BORCS8: variants seen among roughly 807,000 people sequenced by gnomAD.
BORCS8 encodes BLOC-1 related complex subunit 8.
In BORCS8, 13 loss-of-function variants were observed where a neutral mutation model predicts 18.7. The ratio of observed to expected loss-of-function variants is 0.70; its 90% CI spans 0.45 to 1.11. The LOEUF (loss-of-function observed/expected upper bound fraction) is 1.11. Among genes scored for constraint, BORCS8 ranks in the 50% least tolerant of loss-of-function variants. The pLI, the probability that BORCS8 is intolerant of heterozygous loss-of-function variation, is 0.00. For synonymous variants in BORCS8, 68 were observed against 64.8 expected, an observed-to-expected ratio of 1.05 and a Z score of -0.24; for missense variants, 165 against 165.7, an observed-to-expected ratio of 1.00 and a Z score of 0.02.
chr19:19,180,476 G>A, intron 5 of BORCS8: 1 of 594,042 alleles, frequency 1.7e-6, no homozygotes, highest in Non-Finnish European at 3.0e-6. Flanking sequence ...GAGAGAGAGT[G>A]GGAGAGATGG....
intron 1 of BORCS8, 79 bp downstream of exon 1, chr19:19,192,001 TC>T (rs1877881904): frequency 2.0e-6 from 3 of 1,517,208 alleles, no homozygotes; most frequent in Non-Finnish European, 2.7e-6. Flanking sequence ...CCTCGCACGG[TC>T]CCTCCGCGCC....
intron 4 of BORCS8, chr19:19,181,824 C>A (rs1385654742): frequency 1.0e-6 from 1 of 982,298 alleles, no homozygotes; most frequent in Non-Finnish European, 1.2e-6. Context: ...GAACCCCAAT[C>A]TGTGGGAGCC....
In BORCS8 at chr19:19,180,650, CAG is replaced by C. The variant is rs540327859; in HGVS notation, c.*42+34_*42+35del. The C allele has an allele frequency of 3.0e-3, 4,192 of 1,413,182 alleles. 11 individuals are homozygous for C. The highest frequency in any genetic ancestry group is 3.5e-3 in the Non-Finnish European group (3,629 of 1,022,476). The allele number at this position is 1,413,182 out of a possible 1,614,324, so 87.5% of individuals were successfully genotyped here. A position where few individuals can be genotyped will look rare whatever the true frequency, so the allele number is the denominator to read the frequency against. On this transcript the variant is annotated intron_variant, in intron 5 of 5. Coordinates refer to ENST00000462790, the MANE Select transcript of BORCS8 (RefSeq NM_001145784.2). The stretch of plus-strand genomic sequence containing the variant: ...AGCGGGCGGGTTGGTTAGTTCAGAG[CAG>C]AGAGAGAGGCTCGTGGCTACCCTCG...
intron 2 of BORCS8, 92 bp downstream of exon 2, chr19:19,186,801 C>T: frequency 1.1e-6 from 1 of 877,240 alleles, no homozygotes; most frequent in Non-Finnish European, 1.7e-6. Context: ...ACGCCTCTGA[C>T]CTGGCTTTGC....
intron 4 of BORCS8, chr19:19,181,978 C>T (rs2060353500): frequency 1.7e-5 from 17 of 985,470 alleles, no homozygotes; most frequent in Non-Finnish European, 1.9e-5. Context: ...ACTGTGAGTG[C>T]TTTTCGTTTT....
chr19:19,188,558 C>T (rs1238503365), intron 1 of BORCS8, among the ~76,000 whole-genome samples: 1 of 152,156 alleles, frequency 6.6e-6, no homozygotes, highest in Non-Finnish European at 1.5e-5. Context: ...TGACCACACT[C>T]GGGACTCTTC....
In BORCS8 at chr19:19,183,821, C is replaced by T. The variant is rs1599755327; in HGVS notation, c.216-1138G>A. Among the ~76,000 whole-genome samples, 7 of 151,316 alleles carry T rather than the reference C, an allele frequency of 4.6e-5. No individual in the cohort carries two copies. In the South Asian group the frequency reaches 8.3e-4, roughly 18 times the overall value. On this transcript the variant is annotated intron_variant, in intron 3 of 5. Transcript: ENST00000462790. ...CTGACCTCAGGGGATCCTCCTGCCT[C>T]GGCCTCCAAAAGTGCTGGGATTACA...
chr19:19,190,720 G>A (rs572180964), intron 1 of BORCS8, among the ~76,000 whole-genome samples: 3 of 152,178 alleles, frequency 2.0e-5, no homozygotes, highest in East Asian at 1.9e-4. Flanking sequence ...CCCGGGAGGC[G>A]GAGGTTGCCG....
intron 5 of BORCS8, chr19:19,177,699 A>AAAAGAAAAGAAAAGAAAAGG (rs2060311564): frequency 1.9e-5 from 1 of 53,764 alleles, no homozygotes; most frequent in African/African-American, 7.7e-5. Context: ...GAAGGAAGAG[A>AAAAGAAAAGAAAAGAAAAGG]AAAGAAAAGA....
At chr19:19,187,434 C>T (rs935905284) in intron 1 of BORCS8, among the ~76,000 whole-genome samples, 1 of 150,916 alleles carries the variant, frequency 6.6e-6, no homozygotes, top group Non-Finnish European at 1.5e-5. Flanking sequence ...TGACGTCATG[C>T]CATTGCACTC....
At chr19:19,191,491 C>CAAAAA (rs34145724) in intron 1 of BORCS8, among the ~76,000 whole-genome samples, 1 of 86,032 alleles carries the variant, frequency 1.2e-5, no homozygotes, top group Non-Finnish European at 2.5e-5. Flanking sequence ...TACCTTGTCT[C>CAAAAA]AAAAAAAAAA....
intron 3 of BORCS8, among the ~76,000 whole-genome samples, chr19:19,184,305 C>CTTTTTT (rs900454275): frequency 7.4e-5 from 8 of 108,512 alleles, no homozygotes; most frequent in South Asian, 2.9e-4. Context: ...TTTTTCCTTT[C>CTTTTTT]TTTTTTTTTT....
Position 19,182,437 on chromosome 19 carries a change from G to A in BORCS8, c.326+136C>T, listed in dbSNP as rs2060358079. ...TCAGGTTATAGATGCCACAGGACAA[G>A]AGGAGGTCACCAGACACCAGGACAA... On this transcript the variant is annotated intron_variant, in intron 4 of 5. Coordinates refer to ENST00000462790, the MANE Select transcript of BORCS8 (RefSeq NM_001145784.2). The surrounding 1 kb of genome is among the most constrained non-coding windows in gnomAD (Gnocchi z 4.1). The A allele has an allele frequency of 8.3e-6, 12 of 1,442,286 alleles. No homozygotes were observed. In the South Asian group the frequency reaches 8.4e-5, roughly 10 times the overall value. 89.3% of individuals were successfully genotyped at this position (1,442,286 alleles called of 1,614,324 possible). A position where few individuals can be genotyped will look rare whatever the true frequency, so the allele number is the denominator to read the frequency against.
At position 19,180,677 on chromosome 19, in the gene BORCS8, G is replaced by A. The variant is rs1017966092; in HGVS notation, c.*42+9C>T. On this transcript the variant is annotated intron_variant, in intron 5 of 5. Coordinates refer to ENST00000462790, the MANE Select transcript of BORCS8 (RefSeq NM_001145784.2). ...GAGAGAGAGGCTCGTGGCTACCCTC[G>A]GCACTGACCTGGGTTGGCGGAGGCT... 9 of 1,527,276 alleles carry A rather than the reference G, an allele frequency of 5.9e-6. No homozygotes were observed. The highest frequency in any genetic ancestry group is 4.1e-5 in the African/African-American group (3 of 72,604). 94.6% of individuals were successfully genotyped at this position (1,527,276 alleles called of 1,614,324 possible). A position where few individuals can be genotyped will look rare whatever the true frequency, so the allele number is the denominator to read the frequency against.
intron 5 of BORCS8, chr19:19,180,403 G>A: frequency 2.0e-6 from 1 of 500,792 alleles, no homozygotes. Context: ...TCTGTCTTGG[G>A]GGGTGGAAAT....
rs1022869916 is a variant in BORCS8, at chr19:19,182,200, G to A, written c.326+373C>T. ...ATGGAACTCCGTCTGCCCCCGGATC[G>A]TCTCTGTCTGCATGTAACTCATGCC... On this transcript the variant is annotated intron_variant, in intron 4 of 5. Transcript: ENST00000462790. This position sits in a 1 kb window ranked among gnomAD's most constrained non-coding sequence, Gnocchi z 4.1. The A allele has an allele frequency of 1.2e-5, 5 of 413,432 alleles. No individual in the cohort carries two copies. Among genetic ancestry groups the A allele is most frequent in the African/African-American group, 2.1e-5 (1 of 46,666 alleles). 25.6% of individuals were successfully genotyped at this position (413,432 alleles called of 1,614,324 possible). A position where few individuals can be genotyped will look rare whatever the true frequency, so the allele number is the denominator to read the frequency against.
At chr19:19,184,840 T>C (rs2060390512) in intron 3 of BORCS8, among the ~76,000 whole-genome samples, 1 of 152,128 alleles carries the variant, frequency 6.6e-6, no homozygotes, top group Non-Finnish European at 1.5e-5. Context: ...GCTGAAGTGA[T>C]CCTCCCACCT....
At chr19:19,185,523 T>C (rs1369442795) in intron 3 of BORCS8, among the ~76,000 whole-genome samples, 2 of 152,050 alleles carry the variant, frequency 1.3e-5, no homozygotes, top group Admixed American at 6.6e-5. Context: ...CCATCTCTGC[T>C]AAAAATACAA....
chr19:19,184,287 GGTT>G (rs767204515), intron 3 of BORCS8, among the ~76,000 whole-genome samples: 3 of 147,280 alleles, frequency 2.0e-5, no homozygotes, highest in Non-Finnish European at 4.4e-5. Flanking sequence ...GTTTTTTGTT[GGTT>G]TTTTTTTTTC....
Sources: gnomAD v4.1 joint callset for allele counts (sites outside exome capture counted in the v4.1 genomes callset) on GRCh38, gnomAD v4.1.1 for gene constraint, Gnocchi (gnomAD v3.1) non-coding constraint, MANE v1.5 for transcripts, NCBI Gene and HGNC (gene_info 2026-07-23, HGNC 2026-07-21) for gene names.